CAPN7: variants seen among roughly 807,000 people sequenced by gnomAD.
CAPN7 encodes calpain-7.
In CAPN7, 72 loss-of-function variants were observed where a neutral mutation model predicts 115.2. The ratio of observed to expected loss-of-function variants is 0.63; its 90% CI spans 0.52 to 0.76. The LOEUF is 0.76. CAPN7 is among the 30% of genes least tolerant of loss of function. The pLI is 0.00. For synonymous variants in CAPN7, 344 were observed against 322.3 expected (o/e 1.07, Z -0.72); for missense variants, 905 against 971.5 (o/e 0.93, Z 0.91).
intron 12 of CAPN7, among the ~76,000 whole-genome samples, chr3:15,238,371 C>T (rs796140732): frequency 6.6e-5 from 10 of 152,076 alleles, no homozygotes; most frequent in African/African-American, 2.2e-4. Context: ...ACCTTGGCCT[C>T]CCAAAGTGCT....
At chr3:15,228,325 TC>T (rs1694450481) in intron 7 of CAPN7, among the ~76,000 whole-genome samples, 2 of 152,250 alleles carry the variant, frequency 1.3e-5, no homozygotes, top group African/African-American at 4.8e-5. Context: ...TATTTAATTT[TC>T]TAGGATTTAT....
Position 15,206,394 on chromosome 3 carries a change from G to A in CAPN7, c.-102G>A. 2 of 813,198 alleles carry A rather than the reference G, an allele frequency of 2.5e-6. No individual in the cohort carries two copies. Among genetic ancestry groups the A allele is most frequent in the South Asian group, 1.7e-5 (1 of 59,982 alleles). The allele number at this position is 813,198 out of a possible 1,614,324, so 50.4% of individuals were successfully genotyped here. On this transcript the variant is annotated 5_prime_UTR_variant, in exon 1 of 21. Coordinates refer to ENST00000253693, the MANE Select transcript of CAPN7 (RefSeq NM_014296.3). ...CAAAGTAAACTTTGCCGCTCCTTCC[G>A]CGGCGCTCCCGAGTCCTCGCCGCCG...
At chr3:15,209,822 T>C (rs976688371) in intron 1 of CAPN7, among the ~76,000 whole-genome samples, 2 of 152,228 alleles carry the variant, frequency 1.3e-5, no homozygotes, top group African/African-American at 2.4e-5. Context: ...GAAGAATTTT[T>C]TATCTTTGAG....
Position 15,234,266 on chromosome 3 carries a change from A to T in CAPN7, c.1286+293A>T, listed in dbSNP as rs969897924. On this transcript the variant is annotated intron_variant, in intron 11 of 20. Coordinates refer to ENST00000253693, the MANE Select transcript of CAPN7 (RefSeq NM_014296.3). ...AGGAGGCAGAGGTTGTGGTGAGCCG[A>T]GATTGCACCATTGCACTCCAGCCTG... Among the ~76,000 whole-genome samples the T allele has an allele frequency of 5.4e-4, 83 of 152,336 alleles. 1 individual carries two copies. The highest frequency in any genetic ancestry group is 1.9e-3 in the African/African-American group (79 of 41,576).
At chr3:15,228,899 G>A in intron 7 of CAPN7, 75 bp from the exon 8 acceptor site, 1 of 1,063,584 alleles carries the variant, frequency 9.4e-7, no homozygotes, top group Non-Finnish European at 1.4e-6. Flanking sequence ...AGGTACTTGG[G>A]GCAATGTACG....
chr3:15,244,064 G>C (rs1695513733), intron 16 of CAPN7, among the ~76,000 whole-genome samples: 1 of 152,228 alleles, frequency 6.6e-6, no homozygotes, highest in Admixed American at 6.5e-5. Context: ...TTTTAAAAGA[G>C]ACTATGATGT....
At position 15,228,690 on chromosome 3, in the gene CAPN7, A is replaced by G. The variant is rs549977868; in HGVS notation, c.853-284A>G. ...AGCTTAAAAGAAAGGAACAGCAGAC[A>G]CTGGGTTCTACTTGAGCGTGGAGGA... On this transcript the variant is annotated intron_variant, in intron 7 of 20. Coordinates refer to ENST00000253693, the MANE Select transcript of CAPN7 (RefSeq NM_014296.3). 2.0e-5 allele frequency among the ~76,000 whole-genome samples: 3 copies of G among 152,312 alleles called. No homozygotes were observed. The South Asian group carries it at 6.2e-4, about 32-fold the overall frequency.
chr3:15,219,755 A>G (rs548789368), intron 4 of CAPN7, among the ~76,000 whole-genome samples: 6 of 152,312 alleles, frequency 3.9e-5, no homozygotes, highest in South Asian at 4.1e-4. Context: ...AAGAACTTCT[A>G]TTTTTTAGCT....
chr3:15,218,521 G>C lies in CAPN7; in HGVS notation c.418G>C (p.Ala140Pro), dbSNP rs780112070. 6.2e-7 allele frequency: 1 copy of C among 1,613,294 alleles called. No individual in the cohort carries two copies. Among genetic ancestry groups the C allele is most frequent in the Admixed American group, 1.7e-5 (1 of 60,020 alleles). ...KVLQNKLKQL[A>P]RQALDRAEAL... Reference sequence around the variant, plus strand: ...CCTGCAAAATAAACTGAAACAGTTGGCTCGACAGGCACTAGACAGGTGAGT... The same window carrying C: ...CCTGCAAAATAAACTGAAACAGTTGCCTCGACAGGCACTAGACAGGTGAGT... The change falls in exon 4 of 21, where the codon GCT (alanine) becomes CCT (proline). Residue 140 changes from alanine (A) to proline (P), a missense_variant. Physicochemically the swap from Ala to Pro is conservative, Grantham distance 27 (BLOSUM62 -1). Around this residue, in one of 3 missense-constraint regions of CAPN7, gnomAD observed 271 missense variants for 239.6 expected, o/e 1.13. Transcript: ENST00000253693.
At chr3:15,238,482 G>A (rs566404825) in intron 12 of CAPN7, among the ~76,000 whole-genome samples, 1 of 151,408 alleles carries the variant, frequency 6.6e-6, no homozygotes, top group South Asian at 2.1e-4. Context: ...CCTCTTTTTT[G>A]CAGAAAGACC....
At chr3:15,241,288 T>C (rs775166181) in intron 14 of CAPN7, among the ~76,000 whole-genome samples, 165 bp from the exon 15 acceptor site, 1 of 152,220 alleles carries the variant, frequency 6.6e-6, no homozygotes, top group Non-Finnish European at 1.5e-5. Flanking sequence ...ACTATCTTGT[T>C]AATAGTTGTT....
At chr3:15,226,053 A>G (rs1188239136) in intron 6 of CAPN7, among the ~76,000 whole-genome samples, 1 of 151,964 alleles carries the variant, frequency 6.6e-6, no homozygotes, top group East Asian at 1.9e-4. Flanking sequence ...GCATTATTGA[A>G]TAAATATTAT....
At position 15,220,961 on chromosome 3, in the gene CAPN7, A is replaced by G; in HGVS notation, c.618A>G (p.Ala206=). 3 of 1,613,498 alleles carry G rather than the reference A, an allele frequency of 1.9e-6. No individual in the cohort carries two copies. Among genetic ancestry groups the G allele is most frequent in the Non-Finnish European group, 2.5e-6 (3 of 1,179,410 alleles). Residue 206 remains alanine, a synonymous_variant, in exon 5 of 21, where the codon GCA becomes GCG. Coordinates refer to ENST00000253693, the MANE Select transcript of CAPN7 (RefSeq NM_014296.3). ...ATGCACAAGGACAGAGATACACAGC[A>G]GAAGAAATAGAAGTACTCAGGTAAA... is the stretch of plus-strand genomic sequence containing the variant. The part of the protein sequence containing the change: ...SCDAQGQRYT[A]EEIEVLRTTS...
chr3:15,212,770 A>G (rs141817758), intron 2 of CAPN7, among the ~76,000 whole-genome samples: 2 of 152,330 alleles, frequency 1.3e-5, no homozygotes, highest in African/African-American at 4.8e-5. Flanking sequence ...TAATGGTCAC[A>G]GTTTTGTTAG....
Position 15,210,766 on chromosome 3 carries a change from C to T in CAPN7, c.103-1338C>T, listed in dbSNP as rs1241981381. The T allele has an allele frequency of 3.1e-6, 4 of 1,288,220 alleles. No individual in the cohort carries two copies. The South Asian group carries it at 4.9e-5, about 16-fold the overall frequency. 79.8% of individuals were successfully genotyped at this position (1,288,220 alleles called of 1,614,324 possible). A position where few individuals can be genotyped will look rare whatever the true frequency, so the allele number is the denominator to read the frequency against. ...TAGAGACAGGGTTTCACCATGTTGC[C>T]CAGGCTGAAAACTGCACTTTTCTTA... On this transcript the variant is annotated intron_variant, in intron 1 of 20. Coordinates refer to ENST00000253693, the MANE Select transcript of CAPN7 (RefSeq NM_014296.3).
intron 9 of CAPN7, among the ~76,000 whole-genome samples, chr3:15,231,525 CT>C (rs1364275322): frequency 1.3e-5 from 2 of 151,644 alleles, no homozygotes; most frequent in Non-Finnish European, 2.9e-5. Context: ...CCTCATATCT[CT>C]GAGAACACTT....
At chr3:15,250,806 G>A (rs1018574007) in intron 19 of CAPN7, 125 bp from the exon 20 acceptor site, 3 of 653,160 alleles carry the variant, frequency 4.6e-6, no homozygotes, top group East Asian at 5.3e-5. Context: ...AATAGAGTGT[G>A]TATGTTTCTA....
At chr3:15,234,352 A>T (rs1270105304) in intron 11 of CAPN7, among the ~76,000 whole-genome samples, 1 of 152,130 alleles carries the variant, frequency 6.6e-6, no homozygotes, top group Non-Finnish European at 1.5e-5. Flanking sequence ...AAATAAAAAC[A>T]TCATGCCTGA....
intron 6 of CAPN7, among the ~76,000 whole-genome samples, chr3:15,225,348 T>C (rs897913778): frequency 1.3e-5 from 2 of 152,256 alleles, no homozygotes; most frequent in Non-Finnish European, 2.9e-5. Context: ...ATTGTTGTTA[T>C]AATTGTGAAA....
Sources: allele counts gnomAD v4.1 joint callset (sites outside exome capture counted in the v4.1 genomes callset), GRCh38; gene constraint gnomAD v4.1.1; regional missense constraint gnomAD v4.1.1; transcripts MANE v1.5; gene names NCBI Gene and HGNC (gene_info 2026-07-23, HGNC 2026-07-21).